The following TTC8 variants were observed in gnomAD, a reference collection of about 807,000 sequenced individuals.
TTC8 encodes the protein tetratricopeptide repeat domain 8.
TTC8 carries 47 observed loss-of-function variants against 72.5 expected under a neutral mutation model. The ratio of observed to expected loss-of-function variants is 0.65; its 90% CI spans 0.51 to 0.83. The LOEUF (loss-of-function observed/expected upper bound fraction) is 0.83, where lower values mean the gene tolerates loss of function less well. Among genes scored for constraint, TTC8 ranks in the 40% least tolerant of loss-of-function variants. The probability of loss-of-function intolerance (pLI) is 0.00; values close to 1 mark genes in which losing one functional copy is unlikely to be tolerated. For synonymous variants in TTC8, 199 were observed against 221.4 expected, an observed-to-expected ratio of 0.90 and a Z score of 0.90; for missense variants, 611 against 623.2, an observed-to-expected ratio of 0.98 and a Z score of 0.21.
intron 9 of TTC8, among the ~76,000 whole-genome samples, chr14:88,859,934 TATA>T (rs1260331393): frequency 4.0e-5 from 4 of 101,032 alleles, no homozygotes; most frequent in African/African-American, 1.1e-4. Flanking sequence ...GCATGTTTAT[TATA>T]ATGTATACTA....
At chr14:88,838,492 A>C (rs1182188430) in intron 2 of TTC8, among the ~76,000 whole-genome samples, 1 of 152,088 alleles carries the variant, frequency 6.6e-6, no homozygotes, top group African/African-American at 2.4e-5. Context: ...ACTGAGCCTA[A>C]TGCCCCCAAA....
chr14:88,876,617 T>C (rs1315100018), intron 14 of TTC8, among the ~76,000 whole-genome samples: 4 of 152,124 alleles, frequency 2.6e-5, no homozygotes, highest in African/African-American at 9.7e-5. Flanking sequence ...ATGTACCTCA[T>C]AAATATATTA....
At chr14:88,831,664 G>A (rs1209485964) in intron 1 of TTC8, among the ~76,000 whole-genome samples, 2 of 152,190 alleles carry the variant, frequency 1.3e-5, no homozygotes, top group African/African-American at 2.4e-5. Context: ...GATAAAAAAT[G>A]TTAGCTGCTG....
chr14:88,847,991 C>A (rs1169761895), intron 7 of TTC8, among the ~76,000 whole-genome samples: 1 of 151,720 alleles, frequency 6.6e-6, no homozygotes, highest in Non-Finnish European at 1.5e-5. Context: ...GGCATAATGG[C>A]AGGTGCCTGT....
At chr14:88,856,320 G>A (rs1036065138) in intron 8 of TTC8, among the ~76,000 whole-genome samples, 2 of 152,108 alleles carry the variant, frequency 1.3e-5, no homozygotes, top group Admixed American at 1.3e-4. Context: ...AAGGTTTAAG[G>A]TTATGAAAAA....
upstream of TTC8, among the ~76,000 whole-genome samples, chr14:88,824,405 C>A (rs145601826): frequency 4.8e-3 from 734 of 152,254 alleles, 2 homozygotes; most frequent in Non-Finnish European, 8.0e-3. Context: ...GGTGGGGGAC[C>A]CCAGGGGCAG....
At chr14:88,854,879 TTCTTGCTATGTTGCCCAAGGTGG>T (rs996776770) in intron 8 of TTC8, among the ~76,000 whole-genome samples, 1 of 152,058 alleles carries the variant, frequency 6.6e-6, no homozygotes, top group Non-Finnish European at 1.5e-5. Context: ...TAGAGACAGG[TTCTTGCTATGTTGCCCAAGGTGG>T]TCTTGAACCC....
At chr14:88,869,875 C>T (rs1243004183) in intron 10 of TTC8, among the ~76,000 whole-genome samples, 184 bp from the exon 11 acceptor site, 1 of 152,162 alleles carries the variant, frequency 6.6e-6, no homozygotes, top group Non-Finnish European at 1.5e-5. Flanking sequence ...CAGATGTCAC[C>T]TCCCTGAGGA....
intron 7 of TTC8, among the ~76,000 whole-genome samples, chr14:88,844,179 A>G (rs1386383179): frequency 6.6e-6 from 1 of 152,168 alleles, no homozygotes; most frequent in Non-Finnish European, 1.5e-5. Flanking sequence ...CTTAGTCCAT[A>G]TAGTATATTA....
intron 10 of TTC8, among the ~76,000 whole-genome samples, chr14:88,864,237 T>C (rs2094900211): frequency 6.6e-6 from 1 of 152,352 alleles, no homozygotes; most frequent in African/African-American, 2.4e-5. Flanking sequence ...CCTTTTGAAA[T>C]GTAATTTTTA....
At chr14:88,854,955 G>T (rs940637206) in intron 8 of TTC8, among the ~76,000 whole-genome samples, 4 of 152,156 alleles carry the variant, frequency 2.6e-5, no homozygotes, top group Non-Finnish European at 5.9e-5. Flanking sequence ...CTAAGGTGCT[G>T]GGATTATAGG....
chr14:88,866,858 A>G (rs2094912256), intron 10 of TTC8, among the ~76,000 whole-genome samples: 1 of 152,170 alleles, frequency 6.6e-6, no homozygotes, highest in Non-Finnish European at 1.5e-5. Context: ...TCCCATACAC[A>G]CAATCGTGGA....
chr14:88,829,317 T>C (rs1595925884), intron 1 of TTC8, among the ~76,000 whole-genome samples: 1 of 152,222 alleles, frequency 6.6e-6, no homozygotes, highest in Non-Finnish European at 1.5e-5. Context: ...AGTTGTAAGA[T>C]ATAAAAAGAG....
At chr14:88,866,413 A>G (rs973416909) in intron 10 of TTC8, among the ~76,000 whole-genome samples, 13 of 149,570 alleles carry the variant, frequency 8.7e-5, no homozygotes, top group Admixed American at 2.7e-4. Context: ...ACACACACAC[A>G]CGCACACACA....
chr14:88,880,741 T>C (rs950396790), downstream of TTC8: 3 of 152,200 alleles, frequency 2.0e-5, no homozygotes, highest in African/African-American at 7.2e-5. Context: ...TACTGGATTA[T>C]GTCTTTTTTA....
chr14:88,870,747 A>G (rs2094930124), intron 11 of TTC8, among the ~76,000 whole-genome samples: 1 of 152,320 alleles, frequency 6.6e-6, no homozygotes, highest in Middle Eastern at 3.4e-3. Flanking sequence ...TTTTTAAATT[A>G]TGATTTCCTC....
intron 10 of TTC8, among the ~76,000 whole-genome samples, chr14:88,864,012 A>G (rs113257225): frequency 7.9e-5 from 12 of 152,314 alleles, no homozygotes; most frequent in African/African-American, 2.9e-4. Flanking sequence ...TTGAACAGAC[A>G]TATCTCTGTT....
At chr14:88,835,805 T>C (rs1453661958) in intron 2 of TTC8, among the ~76,000 whole-genome samples, 2 of 152,106 alleles carry the variant, frequency 1.3e-5, no homozygotes, top group Admixed American at 1.3e-4. Context: ...GCAGAGGATT[T>C]TAGGGATGTG....
At chr14:88,874,493 A>G (rs2094948635) in intron 13 of TTC8, among the ~76,000 whole-genome samples, 1 of 152,188 alleles carries the variant, frequency 6.6e-6, no homozygotes, top group African/African-American at 2.4e-5. Context: ...GTCATATTCA[A>G]TTGCTGTCTC....
Sources: allele counts gnomAD v4.1 joint callset (sites outside exome capture counted in the v4.1 genomes callset), GRCh38; gene constraint gnomAD v4.1.1; transcripts MANE v1.5; gene names NCBI Gene and HGNC (gene_info 2026-07-23, HGNC 2026-07-21).